Variants in TMEM163 observed in about 807,000 individuals in gnomAD.
TMEM163 encodes transmembrane protein 163.
In TMEM163, 17 loss-of-function variants were observed where a neutral mutation model predicts 29.3. That is an observed-to-expected ratio of 0.58 (90% CI 0.40 to 0.87). TMEM163 has a LOEUF of 0.87. Ranked by LOEUF, TMEM163 falls within the 40% of genes least tolerant of loss-of-function variation. TMEM163 has a pLI of 0.00. For missense variants in TMEM163, 303 were observed against 381.5 expected (o/e 0.79, Z 1.71); for synonymous variants, 157 against 160.6 (o/e 0.98, Z 0.17).
At chr2:134,592,352 C>T (rs753814857) in intron 2 of TMEM163, among the ~76,000 whole-genome samples, 10 of 152,086 alleles carry the variant, frequency 6.6e-5, no homozygotes, top group Non-Finnish European at 1.3e-4. Flanking sequence ...TTTACAGATG[C>T]AAATTTCCCC....
chr2:134,623,464 C>T (rs1248794225), intron 2 of TMEM163, among the ~76,000 whole-genome samples: 2 of 152,168 alleles, frequency 1.3e-5, no homozygotes, highest in African/African-American at 4.8e-5. Flanking sequence ...AACCACCCTA[C>T]TTTACTAAAA....
chr2:134,659,689 T>C (rs1683704928), intron 2 of TMEM163, among the ~76,000 whole-genome samples: 1 of 152,072 alleles, frequency 6.6e-6, no homozygotes, highest in African/African-American at 2.4e-5. Context: ...GACAAATATT[T>C]TAAAAGTCAA....
intron 6 of TMEM163, among the ~76,000 whole-genome samples, chr2:134,463,152 C>T (rs768526015): frequency 9.9e-5 from 15 of 152,200 alleles, no homozygotes; most frequent in Non-Finnish European, 1.9e-4. Flanking sequence ...GCACACACAG[C>T]TGAGGGAAGC....
intron 5 of TMEM163, among the ~76,000 whole-genome samples, chr2:134,502,328 C>A (rs1033078588): frequency 6.6e-6 from 1 of 152,116 alleles, no homozygotes; most frequent in African/African-American, 2.4e-5. Flanking sequence ...AAAAATATTT[C>A]TTTTCTCAGC....
In TMEM163 at chr2:134,490,835, A is replaced by G. The variant is rs1278960740; in HGVS notation, c.555+12066T>C. On this transcript the variant is annotated intron_variant, in intron 5 of 7. Coordinates refer to ENST00000281924, the MANE Select transcript of TMEM163 (RefSeq NM_030923.5). ...TGCTGTGCTAGGGTGTATTGTGTGC[A>G]CCACATAATCAGGGATATTTCAGAG... 5.3e-5 allele frequency among the ~76,000 whole-genome samples: 8 copies of G among 152,246 alleles called. 1 individual carries two copies. The highest frequency in any genetic ancestry group is 1.9e-4 in the African/African-American group (8 of 41,530).
intron 5 of TMEM163, among the ~76,000 whole-genome samples, chr2:134,494,026 T>A (rs1437992644): frequency 2.6e-5 from 4 of 151,698 alleles, no homozygotes; most frequent in Admixed American, 6.6e-5. Context: ...CCTACACATA[T>A]CCCCCCACCG....
At chr2:134,483,952 T>C (rs1008677495) in intron 5 of TMEM163, among the ~76,000 whole-genome samples, 19 of 152,146 alleles carry the variant, frequency 1.2e-4, no homozygotes, top group African/African-American at 4.6e-4. Flanking sequence ...GAGACCAGCC[T>C]GGCCAACATG....
intron 4 of TMEM163, among the ~76,000 whole-genome samples, chr2:134,531,484 C>A (rs1410112733): frequency 6.6e-6 from 1 of 152,214 alleles, no homozygotes; most frequent in African/African-American, 2.4e-5. Flanking sequence ...AAGGCCAGCT[C>A]CAAGCCCCAG....
intron 2 of TMEM163, among the ~76,000 whole-genome samples, chr2:134,587,828 G>A (rs1434086464): frequency 6.6e-6 from 1 of 152,308 alleles, no homozygotes; most frequent in East Asian, 1.9e-4. Context: ...AACAAGAAGG[G>A]ATGCACTTCA....
chr2:134,471,361 G>A (rs1372596565), intron 5 of TMEM163, among the ~76,000 whole-genome samples: 1 of 152,086 alleles, frequency 6.6e-6, no homozygotes, highest in East Asian at 1.9e-4. Flanking sequence ...TAAGAAAACA[G>A]AAGATCTTTT....
intron 2 of TMEM163, among the ~76,000 whole-genome samples, chr2:134,701,517 T>C (rs938255548): frequency 1.3e-5 from 2 of 152,212 alleles, no homozygotes; most frequent in East Asian, 1.9e-4. Context: ...AACTCTCCTA[T>C]TGGATTATTG....
intron 4 of TMEM163, among the ~76,000 whole-genome samples, chr2:134,524,646 T>A (rs1386720503): frequency 1.3e-5 from 2 of 150,308 alleles, no homozygotes; most frequent in African/African-American, 4.9e-5. Flanking sequence ...TATGTCAGTT[T>A]GCTGAGGATG....
chr2:134,536,111 T>C (rs1411373042), intron 4 of TMEM163, among the ~76,000 whole-genome samples: 1 of 152,214 alleles, frequency 6.6e-6, no homozygotes, highest in African/African-American at 2.4e-5. Flanking sequence ...CTCACAGCAA[T>C]GTCTTTTAAT....
chr2:134,717,456 G>A (rs1224817736), intron 1 of TMEM163, among the ~76,000 whole-genome samples: 1 of 152,142 alleles, frequency 6.6e-6, no homozygotes, highest in East Asian at 1.9e-4. Flanking sequence ...GCATCTAGGC[G>A]GATTCTCTGG....
intron 2 of TMEM163, among the ~76,000 whole-genome samples, chr2:134,618,371 C>T (rs1468678362): frequency 6.6e-6 from 1 of 152,112 alleles, no homozygotes; most frequent in Non-Finnish European, 1.5e-5. Context: ...ATAATAAATA[C>T]ATATGCATCT....
chr2:134,645,170 C>A (rs1683306412), intron 2 of TMEM163, among the ~76,000 whole-genome samples: 1 of 152,194 alleles, frequency 6.6e-6, no homozygotes, highest in Admixed American at 6.5e-5. Flanking sequence ...GGTAGGAATA[C>A]AAAATGGTAT....
chr2:134,607,831 A>AAGG (rs1404625063), intron 2 of TMEM163, among the ~76,000 whole-genome samples: 1 of 43,744 alleles, frequency 2.3e-5, no homozygotes, highest in African/African-American at 1.5e-4. Flanking sequence ...TGCTGGTGAA[A>AAGG]AGGACAGACC....
intron 2 of TMEM163, among the ~76,000 whole-genome samples, chr2:134,599,614 G>A (rs1479135983): frequency 3.3e-5 from 5 of 151,534 alleles, no homozygotes; most frequent in Non-Finnish European, 5.9e-5. Context: ...ATGGTAATGT[G>A]TTACAGCAGC....
intron 2 of TMEM163, among the ~76,000 whole-genome samples, chr2:134,568,731 G>C (rs891142518): frequency 4.6e-5 from 7 of 151,918 alleles, no homozygotes; most frequent in African/African-American, 1.4e-4. Context: ...AAGAAACAAA[G>C]AAAGAAAGAA....
Sources: gnomAD v4.1 joint callset for allele counts (sites outside exome capture counted in the v4.1 genomes callset) on GRCh38, gnomAD v4.1.1 for gene constraint, MANE v1.5 for transcripts, NCBI Gene and HGNC (gene_info 2026-07-23, HGNC 2026-07-21) for gene names.